Variants in TINAG observed in about 807,000 individuals in gnomAD.
TINAG encodes the protein tubulointerstitial nephritis antigen.
TINAG carries 83 observed loss-of-function variants against 72.7 expected under a neutral mutation model. The observed-to-expected ratio is 1.14, with a 90% confidence interval of 0.96 to 1.37. The LOEUF (loss-of-function observed/expected upper bound fraction) is 1.37, where lower values mean the gene tolerates loss of function less well. TINAG is among the 40% of genes most tolerant of loss of function. The probability of loss-of-function intolerance (pLI) is 0.00; values close to 1 mark genes in which losing one functional copy is unlikely to be tolerated. For missense variants in TINAG, 685 were observed against 576.6 expected, an observed-to-expected ratio of 1.19 and a Z score of -1.93; for synonymous variants, 234 against 189.9, an observed-to-expected ratio of 1.23 and a Z score of -1.91.
At chr6:54,385,480 GA>G (rs34481174) in intron 10 of TINAG, among the ~76,000 whole-genome samples, 27,323 of 150,186 alleles carry the variant, frequency 0.18, 2,663 homozygotes, top group African/African-American at 0.22. Flanking sequence ...GGAACAATTT[GA>G]AAAAAAAAAT....
intron 9 of TINAG, among the ~76,000 whole-genome samples, chr6:54,364,091 C>G (rs976299436): frequency 6.6e-6 from 1 of 151,398 alleles, no homozygotes. Context: ...GAGGAATGTA[C>G]AGTTAGAAAT....
At chr6:54,311,276 C>G (rs1784250460) in intron 1 of TINAG, among the ~76,000 whole-genome samples, 1 of 151,968 alleles carries the variant, frequency 6.6e-6, no homozygotes, top group Non-Finnish European at 1.5e-5. Flanking sequence ...CTGTGATGTC[C>G]CTTCATCTCA....
chr6:54,323,148 G>T (rs1011063448), intron 3 of TINAG, among the ~76,000 whole-genome samples: 1 of 152,186 alleles, frequency 6.6e-6, no homozygotes, highest in African/African-American at 2.4e-5. Context: ...CCCTACGGCT[G>T]CTTAAGAGGC....
At chr6:54,381,938 A>G (rs1224131468) in intron 10 of TINAG, among the ~76,000 whole-genome samples, 1 of 151,996 alleles carries the variant, frequency 6.6e-6, no homozygotes, top group African/African-American at 2.4e-5. Context: ...ATGTTTTGTG[A>G]TCCTTTCATC....
rs984295209 is a variant in TINAG, at chr6:54,340,022, A to G, written c.625-3204A>G. 3.9e-5 allele frequency among the ~76,000 whole-genome samples: 6 copies of G among 152,240 alleles called. No individual in the cohort carries two copies. In the South Asian group the frequency reaches 1.2e-3, roughly 32 times the overall value. On this transcript the variant is annotated intron_variant, in intron 4 of 10. Transcript: ENST00000259782. ...TGATCAATTTATCTCAAGCTATGCT[A>G]TGATTACATTTCCACCACTCTTTTA... is the stretch of plus-strand genomic sequence containing the variant.
rs774116054 is a variant in TINAG, at chr6:54,354,494, C to G, written c.1127-19C>G. ...ATATTTTAATACTGTGCCATTTGTT[C>G]TGTTGGATTTTATTTTAGCCATAAT... On this transcript the variant is annotated intron_variant, in intron 8 of 10. Transcript: ENST00000259782. 5.7e-6 allele frequency: 9 copies of G among 1,589,724 alleles called. No homozygotes were observed. The African/African-American group carries it at 1.2e-4, about 22-fold the overall frequency.
intron 1 of TINAG, among the ~76,000 whole-genome samples, chr6:54,311,236 G>A (rs1380182230): frequency 6.6e-6 from 1 of 152,144 alleles, no homozygotes; most frequent in East Asian, 1.9e-4. Context: ...AGTATGACTA[G>A]TCTGTGGCTT....
chr6:54,336,718 G>A (rs1426399809), intron 4 of TINAG, among the ~76,000 whole-genome samples: 1 of 151,942 alleles, frequency 6.6e-6, no homozygotes, highest in East Asian at 1.9e-4. Flanking sequence ...GACTAATTAG[G>A]TTACTAAAGC....
At chr6:54,347,308 T>C (rs1785145372) in intron 5 of TINAG, 59 bp from the exon 6 acceptor site, 3 of 1,572,082 alleles carry the variant, frequency 1.9e-6, no homozygotes, top group Non-Finnish European at 2.6e-6. Context: ...AAGGGTTATG[T>C]ACCTTATTAG....
chr6:54,381,416 T>G (rs1455929172), intron 10 of TINAG, among the ~76,000 whole-genome samples: 1 of 151,952 alleles, frequency 6.6e-6, no homozygotes, highest in South Asian at 2.1e-4. Flanking sequence ...GAATTTAAAT[T>G]TAAATGTACA....
At chr6:54,386,592 A>G (rs1035284780) in intron 10 of TINAG, among the ~76,000 whole-genome samples, 2 of 152,110 alleles carry the variant, frequency 1.3e-5, no homozygotes, top group Admixed American at 6.6e-5. Context: ...AGAGTACCTT[A>G]CATCTTCAAG....
intron 9 of TINAG, among the ~76,000 whole-genome samples, chr6:54,366,846 AG>A (rs1763441386): frequency 6.6e-6 from 1 of 151,678 alleles, no homozygotes; most frequent in Non-Finnish European, 1.5e-5. Context: ...AAATATGAGC[AG>A]GAAATGCCTA....
intron 10 of TINAG, among the ~76,000 whole-genome samples, chr6:54,388,408 T>C (rs1562190375): frequency 6.6e-6 from 1 of 152,154 alleles, no homozygotes; most frequent in Non-Finnish European, 1.5e-5. Context: ...CAGCCAAATC[T>C]TAAAAAGAAA....
rs1484135505 is a variant in TINAG at position 54,349,885 on chromosome 6, GTCTCTT to G, written c.1070_1075del (p.Val357_Ser359delinsAla). Reference sequence around the variant, plus strand: ...CTATCAATGTTCTCCTCCATACAGAGTCTCTTCCAACGTAAGTATAAATGGCAAGAA... The same window carrying G: ...CTATCAATGTTCTCCTCCATACAGAGCCAACGTAAGTATAAATGGCAAGAA... On this transcript the variant is annotated inframe_deletion, in exon 7 of 11. Coordinates refer to ENST00000259782, the MANE Select transcript of TINAG (RefSeq NM_014464.4). 6.4e-7 allele frequency: 1 copy of G among 1,571,260 alleles called. No individual in the cohort carries two copies. The highest frequency in any genetic ancestry group is 8.7e-7 in the Non-Finnish European group (1 of 1,154,764).
intron 8 of TINAG, among the ~76,000 whole-genome samples, chr6:54,353,226 G>A (rs1206047946): frequency 1.3e-5 from 2 of 151,778 alleles, no homozygotes; most frequent in East Asian, 3.9e-4. Flanking sequence ...TTTTATTTAT[G>A]ATGCTTACAG....
intron 9 of TINAG, among the ~76,000 whole-genome samples, chr6:54,360,841 GTTTTTTTTTTTTTTTT>G (rs70983415): frequency 1.5e-4 from 4 of 26,242 alleles, no homozygotes; most frequent in East Asian, 1.2e-3. Context: ...CAGATACTGT[GTTTTTTTTTTTTTTTT>G]TTTTTTTTTT....
intron 9 of TINAG, among the ~76,000 whole-genome samples, chr6:54,369,432 A>C (rs1301325878): frequency 6.6e-6 from 1 of 151,986 alleles, no homozygotes; most frequent in African/African-American, 2.4e-5. Flanking sequence ...ATGCAAGAGC[A>C]CACATATATA....
At chr6:54,322,794 G>A (rs1371754528) in intron 3 of TINAG, among the ~76,000 whole-genome samples, 2 of 152,140 alleles carry the variant, frequency 1.3e-5, no homozygotes, top group Non-Finnish European at 2.9e-5. Flanking sequence ...GACATCTTCA[G>A]TATTTCCAGG....
At chr6:54,318,417 C>G (rs1255886075) in intron 1 of TINAG, among the ~76,000 whole-genome samples, 1 of 152,074 alleles carries the variant, frequency 6.6e-6, no homozygotes, top group Non-Finnish European at 1.5e-5. Flanking sequence ...ATCTTTGATT[C>G]CTCTTTTCCC....
Sources: allele counts gnomAD v4.1 joint callset (sites outside exome capture counted in the v4.1 genomes callset), GRCh38; gene constraint gnomAD v4.1.1; transcripts MANE v1.5; gene names NCBI Gene and HGNC (gene_info 2026-07-23, HGNC 2026-07-21).